The following GRIA4 variants were observed in gnomAD, a reference collection of about 807,000 sequenced individuals.
GRIA4 encodes glutamate ionotropic receptor AMPA type subunit 4.
In GRIA4, 34 loss-of-function variants were observed where a neutral mutation model predicts 104.0. That is an observed-to-expected ratio of 0.33 (90% CI 0.25 to 0.44). The LOEUF is 0.44. GRIA4 is among the 20% of genes least tolerant of loss of function. The pLI, the probability that GRIA4 is intolerant of heterozygous loss-of-function variation, is 1.00. For synonymous variants in GRIA4, 386 were observed against 381.9 expected (o/e 1.01, Z -0.13); for missense variants, 750 against 1,096.5 (o/e 0.68, Z 4.46).
chr11:105,706,333 G>A (rs1396648894), intron 3 of GRIA4: 2 of 152,462 alleles, frequency 1.3e-5, no homozygotes, highest in African/African-American at 4.8e-5. Flanking sequence ...TGCCAGATAA[G>A]GCAGGTGTCC....
chr11:105,764,672 T>C (rs1434890715), intron 4 of GRIA4, among the ~76,000 whole-genome samples: 2 of 152,116 alleles, frequency 1.3e-5, no homozygotes, highest in African/African-American at 2.4e-5. Flanking sequence ...AGATTTTAAA[T>C]GGCCAAAATG....
intron 3 of GRIA4, among the ~76,000 whole-genome samples, chr11:105,656,145 CTG>C (rs1439931301): frequency 6.6e-6 from 1 of 152,134 alleles, no homozygotes; most frequent in African/African-American, 2.4e-5. Context: ...TGAGAAGTGT[CTG>C]TTTATATCCT....
chr11:105,703,931 T>C (rs1263272873), intron 3 of GRIA4, among the ~76,000 whole-genome samples: 2 of 152,130 alleles, frequency 1.3e-5, no homozygotes, highest in Non-Finnish European at 2.9e-5. Flanking sequence ...AGTTTTTAAC[T>C]GCTTTTGCAA....
intron 4 of GRIA4, among the ~76,000 whole-genome samples, chr11:105,851,357 T>A (rs1944801887): frequency 6.6e-6 from 1 of 152,180 alleles, no homozygotes; most frequent in South Asian, 2.1e-4. Flanking sequence ...GCAATTACAG[T>A]TATAATTTCA....
intron 3 of GRIA4, chr11:105,706,943 G>A (rs1220057871): frequency 1.3e-5 from 2 of 152,228 alleles, no homozygotes; most frequent in Admixed American, 1.3e-4. Context: ...CAAAAGGTCA[G>A]AGATGTGAAT....
At chr11:105,705,712 C>G (rs892462607) in intron 3 of GRIA4, among the ~76,000 whole-genome samples, 1 of 152,012 alleles carries the variant, frequency 6.6e-6, no homozygotes, top group Non-Finnish European at 1.5e-5. Flanking sequence ...AGGGCAGTTC[C>G]CACCTATTAC....
In GRIA4 at chr11:105,611,104, GGGTGTGCATGTGGCT is replaced by G. The variant is rs772254061; in HGVS notation, c.88+23_88+37del. Reference sequence around the variant, plus strand: ...CAAATAGGTAAGGTGTGCTCCGATGGGGTGTGCATGTGGCTGGTTGTAGCAGATATCCGAAAGTGA... The same window carrying G: ...CAAATAGGTAAGGTGTGCTCCGATGGGGTTGTAGCAGATATCCGAAAGTGA... On this transcript the variant is annotated intron_variant, in intron 2 of 16. Coordinates refer to ENST00000282499, the MANE Select transcript of GRIA4 (RefSeq NM_000829.4). 6 of 1,561,580 alleles carry G rather than the reference GGGTGTGCATGTGGCT, an allele frequency of 3.8e-6. No homozygotes were observed. In the South Asian group the frequency reaches 6.7e-5, roughly 17 times the overall value.
intron 4 of GRIA4, among the ~76,000 whole-genome samples, chr11:105,810,522 A>G (rs1489166747): frequency 6.6e-6 from 1 of 152,102 alleles, no homozygotes; most frequent in Non-Finnish European, 1.5e-5. Context: ...CCACCCTATT[A>G]GGTCCTGGAG....
intron 3 of GRIA4, among the ~76,000 whole-genome samples, chr11:105,748,734 A>T (rs1407328022): frequency 6.6e-6 from 1 of 152,142 alleles, no homozygotes; most frequent in African/African-American, 2.4e-5. Flanking sequence ...TCAAAGGCCA[A>T]CCCAGGTTCA....
chr11:105,684,624 T>C (rs1336816797), intron 3 of GRIA4, among the ~76,000 whole-genome samples: 4 of 147,560 alleles, frequency 2.7e-5, no homozygotes, highest in Non-Finnish European at 3.0e-5. Context: ...TTATATTTTA[T>C]ATTTATTTTT....
At chr11:105,919,569 T>C (rs113049411) in intron 11 of GRIA4, among the ~76,000 whole-genome samples, 22 of 152,270 alleles carry the variant, frequency 1.4e-4, no homozygotes, top group African/African-American at 4.8e-4. Flanking sequence ...GCGCCTCCCT[T>C]GAGTGTACCT....
At chr11:105,935,416 A>G (rs992782761) in intron 14 of GRIA4, among the ~76,000 whole-genome samples, 1 of 152,190 alleles carries the variant, frequency 6.6e-6, no homozygotes, top group Non-Finnish European at 1.5e-5. Context: ...ACCCAAAAAC[A>G]ATTTCAACTA....
intron 3 of GRIA4, among the ~76,000 whole-genome samples, chr11:105,648,909 A>C (rs1018942827): frequency 6.6e-6 from 1 of 152,214 alleles, no homozygotes; most frequent in African/African-American, 2.4e-5. Context: ...ACTGTGGACT[A>C]GAGAAGCTAA....
chr11:105,780,663 G>T (rs1200822261), intron 4 of GRIA4, among the ~76,000 whole-genome samples: 1 of 152,096 alleles, frequency 6.6e-6, no homozygotes, highest in Admixed American at 6.6e-5. Context: ...TAGAAGTAAT[G>T]CCACTGCCTT....
At position 105,895,983 on chromosome 11, in the gene GRIA4, C is replaced by T. The variant is rs1159471956; in HGVS notation, c.727-2286C>T. 2.0e-5 allele frequency among the ~76,000 whole-genome samples: 3 copies of T among 152,172 alleles called. No homozygotes were observed. The East Asian group carries it at 5.8e-4, about 29-fold the overall frequency. On this transcript the variant is annotated intron_variant, in intron 6 of 16. Transcript: ENST00000282499. ...TCAAATGGTAGTTCTATTTTTAGTT[C>T]TTTGAGAAATCTCCATACTGTTTTC...
chr11:105,829,513 A>G (rs1290773884), intron 4 of GRIA4, among the ~76,000 whole-genome samples: 1 of 151,936 alleles, frequency 6.6e-6, no homozygotes, highest in Non-Finnish European at 1.5e-5. Context: ...AGCCATCGCA[A>G]TTGTGTTTGT....
At chr11:105,974,481 T>C in intron 16 of GRIA4, 37 bp downstream of exon 16, 1 of 1,613,874 alleles carries the variant, frequency 6.2e-7, no homozygotes, top group Non-Finnish European at 8.5e-7. Context: ...CCCAACTTCC[T>C]CGCAGAATAC....
chr11:105,625,923 C>A (rs763343572), intron 3 of GRIA4, among the ~76,000 whole-genome samples: 1 of 151,922 alleles, frequency 6.6e-6, no homozygotes, highest in African/African-American at 2.4e-5. Flanking sequence ...ACATCTAGAC[C>A]GTCCTCAATC....
In GRIA4 at chr11:105,801,027, C is replaced by T. The variant is rs111854290; in HGVS notation, c.487+47807C>T. On this transcript the variant is annotated intron_variant, in intron 4 of 16. Coordinates refer to ENST00000282499, the MANE Select transcript of GRIA4 (RefSeq NM_000829.4). The stretch of plus-strand genomic sequence containing the variant: ...TTAACAGTAACATAAATCTAACTTT[C>T]CTAGTAATTTATCACAATAGAAACA... Among the ~76,000 whole-genome samples the T allele has an allele frequency of 1.7e-3, 265 of 151,822 alleles. 2 individuals carry two copies. The highest frequency in any genetic ancestry group is 5.9e-3 in the African/African-American group (245 of 41,510).
Sources: gnomAD v4.1 joint callset for allele counts (sites outside exome capture counted in the v4.1 genomes callset) on GRCh38, gnomAD v4.1.1 for gene constraint, MANE v1.5 for transcripts, NCBI Gene and HGNC (gene_info 2026-07-23, HGNC 2026-07-21) for gene names.